ENTREP2: variants seen among roughly 807,000 people sequenced by gnomAD.
The protein encoded by ENTREP2 is protein ENTREP2.
At chr15:29,243,077 C>T in the ENTREP2 span, among the ~76,000 whole-genome samples, 2 of 152,196 alleles carry the variant, frequency 1.3e-5, no homozygotes, top group African/African-American at 2.4e-5. Context: ...GACAGCGCTC[C>T]GAGTCCAGTG....
At chr15:29,524,757 G>A in the ENTREP2 span, among the ~76,000 whole-genome samples, 1 of 152,214 alleles carries the variant, frequency 6.6e-6, no homozygotes, top group East Asian at 1.9e-4. Context: ...TGCAATGGCA[G>A]CCAACAGCAG....
the ENTREP2 span, among the ~76,000 whole-genome samples, chr15:29,480,661 G>A: frequency 6.6e-6 from 1 of 152,180 alleles, no homozygotes; most frequent in Non-Finnish European, 1.5e-5. Flanking sequence ...GTCTAGGAGG[G>A]GGAGCGGGGG....
chr15:29,431,300 T>C, the ENTREP2 span, among the ~76,000 whole-genome samples: 1 of 152,132 alleles, frequency 6.6e-6, no homozygotes, highest in African/African-American at 2.4e-5. Flanking sequence ...TTGTGATAAG[T>C]AAAGAATCCT....
chr15:29,297,681 G>A, the ENTREP2 span, among the ~76,000 whole-genome samples: 1 of 152,120 alleles, frequency 6.6e-6, no homozygotes, highest in African/African-American at 2.4e-5. Context: ...GAAAGAACTG[G>A]AGTCTGATCA....
the ENTREP2 span, among the ~76,000 whole-genome samples, chr15:29,291,894 A>G: frequency 1.3e-5 from 2 of 152,108 alleles, no homozygotes; most frequent in African/African-American, 4.8e-5. Flanking sequence ...TACATTTAAA[A>G]TATCAGTTCA....
the ENTREP2 span, among the ~76,000 whole-genome samples, chr15:29,231,881 TTTTCTTTTC>T: frequency 4.0e-3 from 540 of 134,404 alleles, 12 homozygotes; most frequent in African/African-American, 0.014. Flanking sequence ...ATAAGTTTTC[TTTTCTTTTC>T]TTTCTTTTTT....
chr15:29,649,415 T>C, the ENTREP2 span, among the ~76,000 whole-genome samples: 1 of 152,108 alleles, frequency 6.6e-6, no homozygotes. Flanking sequence ...TATTTAGCCC[T>C]AGATTCAAGA....
chr15:29,319,006 G>A, the ENTREP2 span, among the ~76,000 whole-genome samples: 2 of 152,162 alleles, frequency 1.3e-5, no homozygotes, highest in African/African-American at 2.4e-5. Flanking sequence ...ACGATTAACT[G>A]TATACCACCT....
At chr15:29,595,602 C>A in the ENTREP2 span, among the ~76,000 whole-genome samples, 1 of 152,286 alleles carries the variant, frequency 6.6e-6, no homozygotes, top group East Asian at 1.9e-4. Flanking sequence ...AAAGTCTTAT[C>A]TATGCTTCAC....
At chr15:29,539,173 T>C in the ENTREP2 span, among the ~76,000 whole-genome samples, 26 of 148,974 alleles carry the variant, frequency 1.7e-4, no homozygotes, top group African/African-American at 6.4e-4. Context: ...GCAAGCACAG[T>C]TGAGAGGGAT....
At chr15:29,507,584 T>C in the ENTREP2 span, among the ~76,000 whole-genome samples, 1 of 152,140 alleles carries the variant, frequency 6.6e-6, no homozygotes, top group Non-Finnish European at 1.5e-5. Context: ...CAATTAGAAC[T>C]TAGGATTAAG....
the ENTREP2 span, among the ~76,000 whole-genome samples, chr15:29,667,783 A>G: frequency 6.6e-6 from 1 of 152,166 alleles, no homozygotes; most frequent in African/African-American, 2.4e-5. Flanking sequence ...GGCGGGATCC[A>G]CTATGCCCGG....
chr15:29,373,115 T>A, the ENTREP2 span, among the ~76,000 whole-genome samples: 13 of 151,592 alleles, frequency 8.6e-5, no homozygotes, highest in Non-Finnish European at 1.5e-4. Context: ...CAAGACAAAC[T>A]GGGATAAAAT....
At chr15:29,345,629 C>T in the ENTREP2 span, among the ~76,000 whole-genome samples, 2 of 151,844 alleles carry the variant, frequency 1.3e-5, no homozygotes, top group Admixed American at 1.3e-4. Flanking sequence ...GCTCCAGGCA[C>T]CCCCCAGGCT....
the ENTREP2 span, among the ~76,000 whole-genome samples, chr15:29,429,190 T>TGTCC: frequency 6.7e-6 from 1 of 149,160 alleles, no homozygotes; most frequent in African/African-American, 2.5e-5. Context: ...GATGTCTATC[T>TGTCC]ATCCATCCAT....
chr15:29,643,817 T>TG, the ENTREP2 span, among the ~76,000 whole-genome samples: 4 of 151,276 alleles, frequency 2.6e-5, no homozygotes, highest in South Asian at 8.4e-4. Context: ...GAAAAAGACT[T>TG]GAAGGAATTG....
chr15:29,336,052 G>T, the ENTREP2 span, among the ~76,000 whole-genome samples: 2 of 141,536 alleles, frequency 1.4e-5, no homozygotes, highest in African/African-American at 5.3e-5. Flanking sequence ...TGAGGCAGGA[G>T]AATGGCATGA....
the ENTREP2 span, among the ~76,000 whole-genome samples, chr15:29,316,443 C>T: frequency 4.7e-4 from 72 of 152,130 alleles, no homozygotes; most frequent in Admixed American, 4.7e-3. Flanking sequence ...TGATGATAAA[C>T]CAAATTATTG....
chr15:29,234,314 T>C, the ENTREP2 span: 1 of 1,608,994 alleles, frequency 6.2e-7, no homozygotes, highest in Non-Finnish European at 8.5e-7. Flanking sequence ...ATATATGTAA[T>C]CTGAAGAGTA....
Sources: gnomAD v4.1 joint callset for allele counts (sites outside exome capture counted in the v4.1 genomes callset) on GRCh38, gnomAD v4.1.1 for gene constraint, MANE v1.5 for transcripts, NCBI Gene and HGNC (gene_info 2026-07-23, HGNC 2026-07-21) for gene names.